The following PORCN variants were observed in gnomAD, a reference collection of about 807,000 sequenced individuals.
PORCN encodes the protein protein-serine O-palmitoleoyltransferase porcupine.
A neutral mutation model predicts 43.0 loss-of-function variants in PORCN; 1 was observed. The observed-to-expected ratio is 0.02, with a 90% CI of 0.01 to 0.11. The LOEUF is 0.11. Ranked by LOEUF, PORCN falls within the 10% of genes least tolerant of loss-of-function variation. The probability of loss-of-function intolerance (pLI) is 1.00; values close to 1 mark genes in which losing one functional copy is unlikely to be tolerated. For missense variants in PORCN, 240 were observed against 392.1 expected (o/e 0.61, Z 3.28); for synonymous variants, 148 against 166.4 (o/e 0.89, Z 0.85).
intron 2 of PORCN, among the ~76,000 whole-genome samples, chrX:48,510,559 G>A (rs1556973644): frequency 8.9e-6 from 1 of 111,786 alleles, no homozygotes; most frequent in Non-Finnish European, 1.9e-5. Context: ...AGATCCGAAG[G>A]TTCTACACTT....
chrX:48,520,435 G>A lies in PORCN; in HGVS notation c.1345G>A (p.Val449Ile). 8.3e-7 allele frequency: 1 copy of A among 1,209,843 alleles called. No individual in the cohort carries two copies. The highest frequency in any genetic ancestry group is 1.1e-6 in the Non-Finnish European group (1 of 893,951). ...WSELSWASHW[V>I]TFGCWIFYRL... is the part of the protein sequence containing the mutation. Reference sequence around the variant, plus strand: ...AGAGCTCAGCTGGGCCAGTCACTGGGTCACTTTTGGATGCTGGATCTTCTA... The same window carrying A: ...AGAGCTCAGCTGGGCCAGTCACTGGATCACTTTTGGATGCTGGATCTTCTA... Residue 449 changes from valine to isoleucine, a missense_variant, in exon 15 of 15, where the codon GTC becomes ATC. Val to Ile is a conservative substitution (Grantham distance 29, BLOSUM62 3). Coordinates refer to ENST00000326194, the MANE Select transcript of PORCN (RefSeq NM_203475.3).
Position 48,509,805 on chromosome X carries a change from T to G in PORCN, c.-16T>G. 8.3e-7 allele frequency: 1 copy of G among 1,209,742 alleles called. No individual in the cohort carries two copies. Among genetic ancestry groups the G allele is most frequent in the Non-Finnish European group, 1.1e-6 (1 of 894,360 alleles). On this transcript the variant is annotated 5_prime_UTR_variant, in exon 2 of 15. Coordinates refer to ENST00000326194, the MANE Select transcript of PORCN (RefSeq NM_203475.3). ...ACAGATCTATCCATCTGGCCATCCA[T>G]CCGTGGGGGTCTGCAATGGCCACCT...
At position 48,517,192 on chromosome X, in the gene PORCN, G is replaced by T. The variant is rs2147139810; in HGVS notation, c.1183G>T (p.Val395Leu). ...CATCTGTCCCCCACAGGGCCTGGGGGTGCGAGCCTTAAACTTGCTCTTTGG... is the reference window on the plus strand; with the variant it reads ...CATCTGTCCCCCACAGGGCCTGGGGTTGCGAGCCTTAAACTTGCTCTTTGG... ...CSHQHRLGLG[V>L]RALNLLFGAL... The change falls in exon 14 of 15, where the codon GTG becomes TTG. Residue 395 changes from valine (V) to leucine (L), a missense_variant. Coordinates refer to ENST00000326194, the MANE Select transcript of PORCN (RefSeq NM_203475.3). 1.7e-6 allele frequency: 2 copies of T among 1,165,990 alleles called. No homozygotes were observed. Among genetic ancestry groups the T allele is most frequent in the South Asian group, 1.9e-5 (1 of 52,642 alleles).
chrX:48,513,091 G>A (rs2061688425), intron 7 of PORCN, among the ~76,000 whole-genome samples: 1 of 112,621 alleles, frequency 8.9e-6, no homozygotes, highest in Non-Finnish European at 1.9e-5. Context: ...TTAGAAGCAA[G>A]TCATATTAAC....
chrX:48,515,575 G>A, intron 10 of PORCN, 142 bp from the exon 11 acceptor site: 1 of 525,460 alleles, frequency 1.9e-6, no homozygotes, highest in South Asian at 2.5e-5. Flanking sequence ...GCTGGGCTTT[G>A]GGCATGTGAA....
chrX:48,511,967 C>T, intron 4 of PORCN, 32 bp downstream of exon 4: 5 of 1,126,906 alleles, frequency 4.4e-6, no homozygotes, highest in Non-Finnish European at 6.1e-6. Flanking sequence ...ACCTGCCCAA[C>T]CCCCCTGCCC....
Position 48,512,412 on chromosome X carries a change from G to C in PORCN, c.460G>C (p.Glu154Gln), listed in dbSNP as rs1469746981. 4 of 1,210,026 alleles carry C rather than the reference G, an allele frequency of 3.3e-6. No individual in the cohort carries two copies. The African/African-American group carries it at 7.0e-5, about 21-fold the overall frequency. ...GGTGGGTACGGTGCCCTCGCCAGTGGAGTTCATGGGCTACCTCTACTTCGT... is the reference window on the plus strand; with the variant it reads ...GGTGGGTACGGTGCCCTCGCCAGTGCAGTTCATGGGCTACCTCTACTTCGT... ...GEVGTVPSPV[E>Q]FMGYLYFVGT... Residue 154 changes from glutamate to glutamine, a missense_variant, in exon 5 of 15, where the codon GAG becomes CAG. By Grantham distance (29) the Glu-to-Gln change is conservative. Transcript: ENST00000326194.
Position 48,512,832 on chromosome X carries a change from C to T in PORCN, c.687-3C>T, listed in dbSNP as rs1339860438. The stretch of plus-strand genomic sequence containing the variant: ...TGCTTCTTTCTGTCTTCTGTTACTA[C>T]AGCAAGAAACGCAAAGCCAGGTAAA... On this transcript the variant is annotated splice_polypyrimidine_tract_variant and splice_region_variant and intron_variant, in intron 6 of 14. Coordinates refer to ENST00000326194, the MANE Select transcript of PORCN (RefSeq NM_203475.3). 2.5e-6 allele frequency: 3 copies of T among 1,211,153 alleles called. No homozygotes were observed. In the African/African-American group the frequency reaches 5.2e-5, roughly 21 times the overall value.
intron 14 of PORCN, 89 bp downstream of exon 14, chrX:48,517,382 G>A: frequency 1.5e-6 from 1 of 650,068 alleles, no homozygotes; most frequent in Non-Finnish European, 2.5e-6. Context: ...GGAAGCTGAG[G>A]CCTGAGCTCC....
At chrX:48,517,400 G>A (rs1306353616) in intron 14 of PORCN, 107 bp downstream of exon 14, 4 of 557,373 alleles carry the variant, frequency 7.2e-6, no homozygotes, top group South Asian at 2.7e-5. Context: ...TCCTCAGACT[G>A]TGCTGCTTCG....
Position 48,519,345 on chromosome X carries a change from G to A in PORCN, c.1285-1030G>A, listed in dbSNP as rs2061742155. 2.7e-5 allele frequency among the ~76,000 whole-genome samples: 3 copies of A among 112,367 alleles called. No individual in the cohort carries two copies. The Admixed American group carries it at 2.8e-4, about 11-fold the overall frequency. ...ATATTTTAATTCTACCCCCTTGCCA[G>A]TTTTTACCCTAAAGATAACACATGA... On this transcript the variant is annotated intron_variant, in intron 14 of 14. Transcript: ENST00000326194.
chrX:48,520,351 C>G (rs1235469726), intron 14 of PORCN, 24 bp from the exon 15 acceptor site: 1 of 1,127,898 alleles, frequency 8.9e-7, no homozygotes, highest in Non-Finnish European at 1.2e-6. Flanking sequence ...CTAAGTGGGA[C>G]CATCACCTCT....
chrX:48,513,438 G>C (rs112197195), intron 7 of PORCN, among the ~76,000 whole-genome samples: 1 of 111,499 alleles, frequency 9.0e-6, no homozygotes, highest in Non-Finnish European at 1.9e-5. Context: ...GGTTGTACCC[G>C]ACTCTGGTCT....
At chrX:48,514,782 A>G (rs1159307343) in intron 10 of PORCN, among the ~76,000 whole-genome samples, 157 bp downstream of exon 10, 1 of 111,324 alleles carries the variant, frequency 9.0e-6, no homozygotes, top group Non-Finnish European at 1.9e-5. Flanking sequence ...TAAATACGAG[A>G]AAAAAAATAC....
At chrX:48,512,878 C>T (rs782560814) in intron 7 of PORCN, 26 bp downstream of exon 7, 19 of 1,209,079 alleles carry the variant, frequency 1.6e-5, no homozygotes, top group Admixed American at 1.1e-4. Context: ...TGTGAGGGCA[C>T]GTGGAGTGGG....
At position 48,509,698 on chromosome X, in the gene PORCN, A is replaced by G. The variant is rs184139458; in HGVS notation, c.-37-86A>G. On this transcript the variant is annotated intron_variant, in intron 1 of 14. Coordinates refer to ENST00000326194, the MANE Select transcript of PORCN (RefSeq NM_203475.3). ...GCCTCTACATGGGCTGGGCAGCCCC[A>G]AACTGAAATGTGAGTGCCAGAGTGC... The G allele has an allele frequency of 7.2e-5, 83 of 1,158,514 alleles. No homozygotes were observed. The East Asian group carries it at 1.9e-3, about 27-fold the overall frequency.
chrX:48,511,207 TCC>T, intron 2 of PORCN, 86 bp from the exon 3 acceptor site: 12 of 483,049 alleles, frequency 2.5e-5, no homozygotes, highest in East Asian at 4.6e-5. Flanking sequence ...CCTCTCTCTC[TCC>T]CTCCCTCCCT....
rs1234001382 is a variant in PORCN at position 48,519,364 on chromosome X, C to T, written c.1285-1011C>T. 3.6e-5 allele frequency among the ~76,000 whole-genome samples: 4 copies of T among 112,620 alleles called. No homozygotes were observed. In the East Asian group the frequency reaches 1.1e-3, roughly 31 times the overall value. The stretch of plus-strand genomic sequence containing the variant: ...TTGCCAGTTTTTACCCTAAAGATAA[C>T]ACATGAATGATACTGTTCTGCAATT... On this transcript the variant is annotated intron_variant, in intron 14 of 14. Coordinates refer to ENST00000326194, the MANE Select transcript of PORCN (RefSeq NM_203475.3).
chrX:48,513,585 T>G (rs1556974479), intron 7 of PORCN, among the ~76,000 whole-genome samples: 1 of 112,808 alleles, frequency 8.9e-6, no homozygotes, highest in African/African-American at 3.2e-5. Flanking sequence ...GTCAAGTGAC[T>G]TGACCAGTGT....
Sources: gnomAD v4.1 joint callset for allele counts (sites outside exome capture counted in the v4.1 genomes callset) on GRCh38, gnomAD v4.1.1 for gene constraint, MANE v1.5 for transcripts, NCBI Gene and HGNC (gene_info 2026-07-23, HGNC 2026-07-21) for gene names.